RORA: variants seen among roughly 807,000 people sequenced by gnomAD.
RORA encodes the protein RAR related orphan receptor A.
Under a neutral mutation model 69.5 loss-of-function variants are expected in RORA, and 7 were observed. The observed-to-expected ratio is 0.10, with a 90% CI of 0.06 to 0.19. RORA has a LOEUF of 0.19. Among genes scored for constraint, RORA ranks in the 10% least tolerant of loss-of-function variants. RORA has a pLI of 1.00. For missense variants in RORA, 457 were observed against 663.0 expected (o/e 0.69, Z 3.41); for synonymous variants, 261 against 240.8 (o/e 1.08, Z -0.78).
chr15:61,067,731 A>G (rs149746481), intron 1 of RORA, among the ~76,000 whole-genome samples: 25 of 152,304 alleles, frequency 1.6e-4, no homozygotes, highest in African/African-American at 6.0e-4. Context: ...AAATATATAC[A>G]TATGTACTGC....
intron 1 of RORA, among the ~76,000 whole-genome samples, chr15:60,759,368 AT>A (rs1187949385): frequency 6.6e-6 from 1 of 152,172 alleles, no homozygotes; most frequent in Admixed American, 6.5e-5. Context: ...TTATCTTGAG[AT>A]TAATTGAATT....
rs952858114 is a variant in RORA at position 60,608,175 on chromosome 15, G to GC, written c.196+70481_196+70482insG. On this transcript the variant is annotated intron_variant, in intron 2 of 10. Transcript: ENST00000335670. ...CGGCTCCTGCATAGACGGAGGAAAG[G>GC]GAAGTGATTGCTGAGAATGTCCTAG... Among the ~76,000 whole-genome samples, 5 of 152,206 alleles carry GC rather than the reference G, an allele frequency of 3.3e-5. No homozygotes were observed. In the South Asian group the frequency reaches 6.2e-4, roughly 19 times the overall value.
At chr15:60,801,556 A>G (rs980434263) in intron 1 of RORA, among the ~76,000 whole-genome samples, 1 of 152,266 alleles carries the variant, frequency 6.6e-6, no homozygotes, top group African/African-American at 2.4e-5. Flanking sequence ...GAAAAAATAA[A>G]AAACATAAGG....
At chr15:60,937,699 G>A (rs559368790) in intron 1 of RORA, among the ~76,000 whole-genome samples, 1 of 152,236 alleles carries the variant, frequency 6.6e-6, no homozygotes, top group African/African-American at 2.4e-5. Context: ...CAGAACACCT[G>A]GTTCACGTTT....
chr15:60,634,587 T>G (rs2069802863), intron 2 of RORA, among the ~76,000 whole-genome samples: 1 of 151,840 alleles, frequency 6.6e-6, no homozygotes, highest in South Asian at 2.1e-4. Context: ...GTGTTTTTAG[T>G]AGAGACAGGG....
intron 1 of RORA, among the ~76,000 whole-genome samples, chr15:60,782,649 T>C (rs1165170587): frequency 1.3e-5 from 2 of 152,192 alleles, no homozygotes; most frequent in African/African-American, 4.8e-5. Context: ...CCCCTCCCTC[T>C]ATGAGAAGCA....
intron 1 of RORA, among the ~76,000 whole-genome samples, chr15:60,708,536 G>A (rs1297599048): frequency 6.6e-6 from 1 of 152,166 alleles, no homozygotes; most frequent in East Asian, 1.9e-4. Flanking sequence ...GTGTCCCAGG[G>A]TGGGTGGGAG....
intron 1 of RORA, among the ~76,000 whole-genome samples, chr15:60,883,145 AAAAAAAG>A (rs1425624804): frequency 8.4e-5 from 7 of 83,102 alleles, no homozygotes; most frequent in East Asian, 2.7e-4. Flanking sequence ...AAAAAAAAAA[AAAAAAAG>A]AAAGAGAGAG....
intron 1 of RORA, among the ~76,000 whole-genome samples, chr15:61,090,196 C>T (rs1432989077): frequency 6.6e-6 from 1 of 152,198 alleles, no homozygotes; most frequent in Non-Finnish European, 1.5e-5. Flanking sequence ...TGAGGATCAA[C>T]CATTTCACCA....
At chr15:60,782,198 C>T (rs1057154448) in intron 1 of RORA, among the ~76,000 whole-genome samples, 8 of 152,062 alleles carry the variant, frequency 5.3e-5, no homozygotes, top group Non-Finnish European at 1.2e-4. Flanking sequence ...GCACTCCAGA[C>T]TGGCGACAGA....
intron 1 of RORA, among the ~76,000 whole-genome samples, chr15:60,915,579 G>A (rs988247462): frequency 4.6e-5 from 7 of 152,224 alleles, no homozygotes; most frequent in African/African-American, 1.7e-4. Flanking sequence ...AGCCACATAT[G>A]CCTACTGAGT....
intron 2 of RORA, among the ~76,000 whole-genome samples, chr15:60,618,577 TA>T (rs968277838): frequency 4.0e-5 from 6 of 151,306 alleles, no homozygotes; most frequent in African/African-American, 9.7e-5. Flanking sequence ...GAACACAACT[TA>T]AAAAAAAAGT....
At chr15:60,682,907 AATACAC>A (rs2070666990) in intron 1 of RORA, among the ~76,000 whole-genome samples, 1 of 152,226 alleles carries the variant, frequency 6.6e-6, no homozygotes, top group African/African-American at 2.4e-5. Flanking sequence ...CTAAACCTAA[AATACAC>A]ATACACCCTG....
intron 2 of RORA, among the ~76,000 whole-genome samples, chr15:60,674,723 C>T (rs908035081): frequency 4.6e-5 from 7 of 152,098 alleles, no homozygotes; most frequent in African/African-American, 7.2e-5. Flanking sequence ...AAAATATTTC[C>T]GAAGATTCAG....
At chr15:60,885,145 C>T (rs75040412) in intron 1 of RORA, among the ~76,000 whole-genome samples, 9 of 152,300 alleles carry the variant, frequency 5.9e-5, no homozygotes, top group Non-Finnish European at 8.8e-5. Context: ...CTGGACTGGT[C>T]TATAATACTT....
chr15:61,082,837 G>T (rs1009733677), intron 1 of RORA, among the ~76,000 whole-genome samples: 2 of 152,082 alleles, frequency 1.3e-5, no homozygotes, highest in African/African-American at 4.8e-5. Flanking sequence ...GATAAAATAC[G>T]AATAATTGAT....
At chr15:61,118,061 A>G (rs113899541) in intron 1 of RORA, among the ~76,000 whole-genome samples, 3 of 152,340 alleles carry the variant, frequency 2.0e-5, no homozygotes, top group African/African-American at 7.2e-5. Flanking sequence ...CATTAGTTAC[A>G]GAGAAATGCT....
intron 1 of RORA, among the ~76,000 whole-genome samples, chr15:60,853,836 A>T (rs1334863176): frequency 6.6e-6 from 1 of 152,252 alleles, no homozygotes; most frequent in Non-Finnish European, 1.5e-5. Flanking sequence ...GGACAATATT[A>T]TAAAATCTTT....
At chr15:60,587,888 T>C (rs573945646) in intron 2 of RORA, among the ~76,000 whole-genome samples, 2 of 152,324 alleles carry the variant, frequency 1.3e-5, no homozygotes, top group Admixed American at 6.5e-5. Context: ...CATTGGATAG[T>C]ATATGCTATT....
Sources: gnomAD v4.1 joint callset for allele counts (sites outside exome capture counted in the v4.1 genomes callset) on GRCh38, gnomAD v4.1.1 for gene constraint, MANE v1.5 for transcripts, NCBI Gene and HGNC (gene_info 2026-07-23, HGNC 2026-07-21) for gene names.